BRSK2: variants seen among roughly 807,000 people sequenced by gnomAD.
The protein encoded by BRSK2 is serine/threonine-protein kinase BRSK2.
BRSK2 carries 19 observed loss-of-function variants against 83.3 expected under a neutral mutation model. The ratio of observed to expected loss-of-function variants is 0.23; its 90% confidence interval spans 0.16 to 0.33. The LOEUF is 0.33. Among genes scored for constraint, BRSK2 ranks in the 10% least tolerant of loss-of-function variants. The probability of loss-of-function intolerance (pLI) is 1.00; values close to 1 mark genes in which losing one functional copy is unlikely to be tolerated. For synonymous variants in BRSK2, 519 were observed against 435.4 expected (o/e 1.19, Z -2.39); for missense variants, 798 against 1,042.3 (o/e 0.77, Z 3.23).
intron 1 of BRSK2, chr11:1,411,316 C>G: frequency 1.5e-6 from 2 of 1,351,672 alleles, no homozygotes; most frequent in Non-Finnish European, 1.9e-6. Context: ...GGGTGGGGTC[C>G]TGAAGCTGGG....
In BRSK2 at chr11:1,460,739, C is replaced by CT. The variant is rs775072179; in HGVS notation, c.*16_*17insT. The CT allele has an allele frequency of 9.9e-6, 14 of 1,410,370 alleles. No individual in the cohort carries two copies. The highest frequency in any genetic ancestry group is 2.5e-4 in the Middle Eastern group (1 of 3,952). 87.4% of individuals were successfully genotyped at this position (1,410,370 alleles called of 1,614,324 possible). The stretch of plus-strand genomic sequence containing the variant: ...GCAGCCTTAGACACACTAGCCCCCC[C>CT]CCCCAGCACAGCACTGACAGCGGCT... On this transcript the variant is annotated 3_prime_UTR_variant, in exon 20 of 20. Transcript: ENST00000528841.
At chr11:1,456,263 G>C in intron 16 of BRSK2, 85 bp from the exon 17 acceptor site, 36 of 1,367,302 alleles carry the variant, frequency 2.6e-5, no homozygotes, top group Non-Finnish European at 3.5e-5. Flanking sequence ...GCACGGTGGG[G>C]CTGGCTCGCC....
intron 1 of BRSK2, among the ~76,000 whole-genome samples, chr11:1,428,855 G>A (rs186375906): frequency 4.0e-4 from 60 of 151,544 alleles, no homozygotes; most frequent in East Asian, 3.1e-3. Flanking sequence ...ACAGGCGTGC[G>A]TACTGTGTGT....
chr11:1,391,340 C>T (rs61867610), intron 1 of BRSK2, among the ~76,000 whole-genome samples: 5,827 of 152,212 alleles, frequency 0.038, 150 homozygotes, highest in South Asian at 0.068. Context: ...TTCCTTAGAC[C>T]CGGGCGGGCA....
At chr11:1,411,737 C>G in intron 1 of BRSK2, 1 of 1,464,738 alleles carries the variant, frequency 6.8e-7, no homozygotes, top group South Asian at 1.3e-5. Flanking sequence ...CTCGCCAGCA[C>G]TGGTGGGCTG....
At chr11:1,405,790 G>A (rs532560516) in intron 1 of BRSK2, among the ~76,000 whole-genome samples, 10 of 152,228 alleles carry the variant, frequency 6.6e-5, no homozygotes, top group Admixed American at 2.6e-4. Context: ...CCAGCAGCCC[G>A]CATCTCCAGC....
chr11:1,426,743 C>T (rs375773068), intron 1 of BRSK2, among the ~76,000 whole-genome samples: 8 of 152,120 alleles, frequency 5.3e-5, no homozygotes, highest in African/African-American at 1.2e-4. Flanking sequence ...CCAGCAGCCA[C>T]GTGGTGGGGA....
At chr11:1,450,823 G>A (rs1376086486) in intron 14 of BRSK2, 29 bp downstream of exon 14, 1 of 1,559,964 alleles carries the variant, frequency 6.4e-7, no homozygotes, top group Non-Finnish European at 8.6e-7. Flanking sequence ...GCGCCAGAGT[G>A]GGGCTGGGAG....
At position 1,413,660 on chromosome 11, in the gene BRSK2, C is replaced by A. The variant is rs185297881; in HGVS notation, c.92-22380C>A. On this transcript the variant is annotated intron_variant, in intron 1 of 19. Transcript: ENST00000528841. The stretch of plus-strand genomic sequence containing the variant: ...ATGTGGCCTGGGCTCCCTGCACTGC[C>A]CACCACCCACTGACCCTGACAACAC... Among the ~76,000 whole-genome samples the A allele has an allele frequency of 1.7e-3, 262 of 152,320 alleles. 1 individual carries two copies. The highest frequency in any genetic ancestry group is 6.2e-3 in the African/African-American group (257 of 41,580).
rs1194948934 is a variant in BRSK2 at position 1,451,260 on chromosome 11, A to C, written c.1496-111A>C. ...CCAGTGCCCCTGGGGGGGCTGTCCC[A>C]GTGTGTGTGGGTGGACTCCTGATGA... On this transcript the variant is annotated intron_variant, in intron 14 of 19. Coordinates refer to ENST00000528841, the MANE Select transcript of BRSK2 (RefSeq NM_001256627.2). 32 of 1,279,508 alleles carry C rather than the reference A, an allele frequency of 2.5e-5. No individual in the cohort carries two copies. The Admixed American group carries it at 4.1e-4, about 16-fold the overall frequency. The allele number at this position is 1,279,508 out of a possible 1,614,324, so 79.3% of individuals were successfully genotyped here.
At chr11:1,451,825 G>A (rs969331861) in intron 15 of BRSK2, among the ~76,000 whole-genome samples, 10 of 152,164 alleles carry the variant, frequency 6.6e-5, no homozygotes, top group Non-Finnish European at 1.0e-4. Flanking sequence ...GGGGCGGAGC[G>A]GAGCAGCCAA....
intron 1 of BRSK2, among the ~76,000 whole-genome samples, chr11:1,424,368 A>G (rs1016956124): frequency 1.3e-5 from 2 of 152,166 alleles, no homozygotes; most frequent in East Asian, 1.9e-4. Flanking sequence ...CAAAAGGAAG[A>G]AGGACAGGGA....
chr11:1,413,712 C>CG (rs1405113144), intron 1 of BRSK2, among the ~76,000 whole-genome samples: 1 of 152,172 alleles, frequency 6.6e-6, no homozygotes, highest in Non-Finnish European at 1.5e-5. Context: ...CTGGGCAGAA[C>CG]GGGGGAACCA....
chr11:1,392,443 A>G (rs1845785895), intron 1 of BRSK2, among the ~76,000 whole-genome samples: 1 of 152,128 alleles, frequency 6.6e-6, no homozygotes, highest in African/African-American at 2.4e-5. Flanking sequence ...TGTGGCTGGC[A>G]GCTTTGTTTG....
rs563001423 is a variant in BRSK2, at chr11:1,449,913, G to A, written c.1287+77G>A. 230 of 1,163,318 alleles carry A rather than the reference G, an allele frequency of 2.0e-4. 1 individual carries two copies. Among genetic ancestry groups the A allele is most frequent in the South Asian group, 1.7e-3 (131 of 75,044 alleles). 72.1% of individuals were successfully genotyped at this position (1,163,318 alleles called of 1,614,324 possible). A position where few individuals can be genotyped will look rare whatever the true frequency, so the allele number is the denominator to read the frequency against. ...TCCCAGTCAGCGTGTGCCAGGGTGG[G>A]GGCAGCCTCGCGGACCCTGGGAAGC... On this transcript the variant is annotated intron_variant, in intron 13 of 19. Coordinates refer to ENST00000528841, the MANE Select transcript of BRSK2 (RefSeq NM_001256627.2).
In BRSK2 at chr11:1,445,297, G is replaced by A. The variant is rs781213875; in HGVS notation, c.816G>A (p.Gly272=). Residue 272 remains glycine, a synonymous_variant, in exon 10 of 20, where the codon GGG becomes GGA. Coordinates refer to ENST00000528841, the MANE Select transcript of BRSK2 (RefSeq NM_001256627.2). ...GTGGCCCGTCCTGTGTCCACAGAGG[G>A]GGCAAGAATGAGCCCGAACCAGAGC... is the stretch of plus-strand genomic sequence containing the variant. ...EHIQKHIWYI[G]GKNEPEPEQP... 3 of 1,607,308 alleles carry A rather than the reference G, an allele frequency of 1.9e-6. No individual in the cohort carries two copies. Among genetic ancestry groups the A allele is most frequent in the South Asian group, 1.1e-5 (1 of 90,414 alleles).
intron 1 of BRSK2, among the ~76,000 whole-genome samples, chr11:1,398,904 T>C (rs1846291508): frequency 6.6e-6 from 1 of 152,176 alleles, no homozygotes. Context: ...CCTCCGCTTA[T>C]CTTTGGTGTC....
In BRSK2 at chr11:1,456,522, C is replaced by A; in HGVS notation, c.1843C>A (p.Leu615Ile). The change falls in exon 17 of 20, where the codon CTC becomes ATC. Residue 615 changes from leucine (L) to isoleucine (I), a missense_variant. Physicochemically the swap from Leu to Ile is conservative, Grantham distance 5 (BLOSUM62 2). Coordinates refer to ENST00000528841, the MANE Select transcript of BRSK2 (RefSeq NM_001256627.2). ...NGIYSVTFTL[L>I]SGPSRRFKRV... ...CATCTACTCCGTCACCTTCACCCTG[C>A]TCTCAGGTGAGCTGGCGCCCCCAGG... 1 of 1,587,768 alleles carries A rather than the reference C, an allele frequency of 6.3e-7. No individual in the cohort carries two copies. The highest frequency in any genetic ancestry group is 8.6e-7 in the Non-Finnish European group (1 of 1,166,612).
chr11:1,398,714 C>A (rs1881506), intron 1 of BRSK2, among the ~76,000 whole-genome samples: 2 of 152,072 alleles, frequency 1.3e-5, no homozygotes, highest in African/African-American at 4.8e-5. Flanking sequence ...TAGGCCTTTC[C>A]CCAGGGCAGC....
Sources: gnomAD v4.1 joint callset for allele counts (sites outside exome capture counted in the v4.1 genomes callset) on GRCh38, gnomAD v4.1.1 for gene constraint, MANE v1.5 for transcripts, NCBI Gene and HGNC (gene_info 2026-07-23, HGNC 2026-07-21) for gene names.